ANLN: variants seen among roughly 807,000 people sequenced by gnomAD.
The protein encoded by ANLN is anillin, actin binding protein.
In ANLN, 59 loss-of-function variants were observed where a neutral mutation model predicts 135.1. The ratio of observed to expected loss-of-function variants is 0.44; its 90% confidence interval spans 0.35 to 0.54. ANLN has a LOEUF of 0.54. Among genes scored for constraint, ANLN ranks in the 20% least tolerant of loss-of-function variants. The pLI, the probability that ANLN is intolerant of heterozygous loss-of-function variation, is 0.00. For synonymous variants in ANLN, 406 were observed against 456.4 expected, an observed-to-expected ratio of 0.89 and a Z score of 1.41; for missense variants, 1,182 against 1,340.0, an observed-to-expected ratio of 0.88 and a Z score of 1.84.
chr7:36,399,033 G>A, intron 2 of ANLN, 46 bp from the exon 3 acceptor site: 5 of 1,512,502 alleles, frequency 3.3e-6, no homozygotes, highest in Non-Finnish European at 4.5e-6. Context: ...TTTTTCATGT[G>A]AGAAATTACA....
chr7:36,450,904 G>A (rs146382448), intron 23 of ANLN, among the ~76,000 whole-genome samples: 44 of 152,244 alleles, frequency 2.9e-4, no homozygotes, highest in East Asian at 2.1e-3. Flanking sequence ...TACTGGTTGC[G>A]TAAACTCTCT....
intron 1 of ANLN, among the ~76,000 whole-genome samples, chr7:36,394,520 G>T (rs1786615692): frequency 6.6e-6 from 1 of 152,130 alleles, no homozygotes; most frequent in African/African-American, 2.4e-5. Context: ...TATTTAGCGG[G>T]TGAAGGTCTT....
At chr7:36,438,261 G>A (rs1788626596) in intron 20 of ANLN, among the ~76,000 whole-genome samples, 1 of 152,066 alleles carries the variant, frequency 6.6e-6, no homozygotes, top group African/African-American at 2.4e-5. Flanking sequence ...AATGGTCTTG[G>A]CATCCTTGGC....
chr7:36,410,437 G>A, intron 5 of ANLN, 77 bp from the exon 6 acceptor site: 2 of 1,295,956 alleles, frequency 1.5e-6, no homozygotes, highest in Non-Finnish European at 2.1e-6. Flanking sequence ...CTGTAATGTA[G>A]TTTAGAACTT....
At chr7:36,447,099 C>T (rs1391433222) in intron 22 of ANLN, among the ~76,000 whole-genome samples, 1 of 152,120 alleles carries the variant, frequency 6.6e-6, no homozygotes, top group Non-Finnish European at 1.5e-5. Context: ...AAATTTAATG[C>T]CTTTTGTATT....
At chr7:36,445,161 CTTTTT>C (rs70977145) in intron 22 of ANLN, among the ~76,000 whole-genome samples, 155 of 57,816 alleles carry the variant, frequency 2.7e-3, no homozygotes, top group East Asian at 0.018. Flanking sequence ...ATTTGGGATT[CTTTTT>C]TTTTTTTTTT....
intron 23 of ANLN, 59 bp from the exon 24 acceptor site, chr7:36,452,396 TTTTTTTCCCTAGCAAGAGTACA>T: frequency 6.5e-7 from 1 of 1,543,770 alleles, no homozygotes; most frequent in South Asian, 1.2e-5. Flanking sequence ...TATTTAGTCA[TTTTTTTCCCTAGCAAGAGTACA>T]TGGGGGTATG....
Position 36,420,391 on chromosome 7 carries a change from A to G in ANLN, c.2015+77A>G, listed in dbSNP as rs116813807. The G allele has an allele frequency of 2.0e-5, 30 of 1,522,404 alleles. No individual in the cohort carries two copies. In the African/African-American group the frequency reaches 3.2e-4, roughly 16 times the overall value. 94.3% of individuals were successfully genotyped at this position (1,522,404 alleles called of 1,614,324 possible). On this transcript the variant is annotated intron_variant, in intron 11 of 23. Coordinates refer to ENST00000265748, the MANE Select transcript of ANLN (RefSeq NM_018685.5). ...GACATAAGTCGTGTTATAATTTGTA[A>G]TTATAATGTTATTAATAACTCATCT...
intron 20 of ANLN, among the ~76,000 whole-genome samples, chr7:36,436,554 T>A (rs571792876): frequency 6.6e-6 from 1 of 152,366 alleles, no homozygotes; most frequent in Admixed American, 6.5e-5. Context: ...TTTCAAAGCA[T>A]CTAGACCATT....
intron 20 of ANLN, among the ~76,000 whole-genome samples, chr7:36,435,392 G>GC (rs1788490300): frequency 6.6e-6 from 1 of 151,246 alleles, no homozygotes; most frequent in African/African-American, 2.4e-5. Flanking sequence ...TGGTGGGGGG[G>GC]GGGTCTCAGT....
chr7:36,450,805 A>C (rs528573184), intron 23 of ANLN, among the ~76,000 whole-genome samples: 1 of 152,294 alleles, frequency 6.6e-6, no homozygotes, highest in South Asian at 2.1e-4. Context: ...GAACCAACCA[A>C]AGTGCAGTAT....
At position 36,400,290 on chromosome 7, in the gene ANLN, C is replaced by T. The variant is rs141383508; in HGVS notation, c.487+897C>T. On this transcript the variant is annotated intron_variant, in intron 3 of 23. Coordinates refer to ENST00000265748, the MANE Select transcript of ANLN (RefSeq NM_018685.5). ...GTCCTTAAATATGACTTTGTGGGAGCCGATAAACCTATAAGGTTTCTTAAG... is the reference window on the plus strand; with the variant it reads ...GTCCTTAAATATGACTTTGTGGGAGTCGATAAACCTATAAGGTTTCTTAAG... 6.3e-4 allele frequency among the ~76,000 whole-genome samples: 96 copies of T among 152,238 alleles called. No homozygotes were observed. The East Asian group carries it at 8.3e-3, about 13-fold the overall frequency.
chr7:36,423,950 A>T lies in ANLN; in HGVS notation c.2603+7A>T. On this transcript the variant is annotated splice_region_variant and intron_variant, in intron 15 of 23. Coordinates refer to ENST00000265748, the MANE Select transcript of ANLN (RefSeq NM_018685.5). ...TCACTACTACATTTACTCTGTAAGT[A>T]AATCAGGCTTTTGATGATTCGAATG... 6.2e-7 allele frequency: 1 copy of T among 1,602,808 alleles called. No homozygotes were observed. Among genetic ancestry groups the T allele is most frequent in the African/African-American group, 1.3e-5 (1 of 74,582 alleles).
rs199702204 is a variant in ANLN at position 36,443,872 on chromosome 7, A to G, written c.3078+10A>G. ...TGATGAGAAACGCAAGGTAATTTATATAGTACTGTTTAGTGGTGAAAGCCC... is the reference window on the plus strand; with the variant it reads ...TGATGAGAAACGCAAGGTAATTTATGTAGTACTGTTTAGTGGTGAAAGCCC... On this transcript the variant is annotated intron_variant, in intron 22 of 23. Coordinates refer to ENST00000265748, the MANE Select transcript of ANLN (RefSeq NM_018685.5). 1.3e-6 allele frequency: 2 copies of G among 1,572,504 alleles called. No individual in the cohort carries two copies. Among genetic ancestry groups the G allele is most frequent in the Admixed American group, 1.7e-5 (1 of 57,280 alleles).
chr7:36,391,256 C>T (rs1453311120), intron 1 of ANLN, among the ~76,000 whole-genome samples: 1 of 152,182 alleles, frequency 6.6e-6, no homozygotes, highest in Admixed American at 6.5e-5. Flanking sequence ...GTATCTTTCA[C>T]TTACACTGAG....
At chr7:36,425,187 A>G (rs564463552) in intron 17 of ANLN, among the ~76,000 whole-genome samples, 250 of 152,188 alleles carry the variant, frequency 1.6e-3, no homozygotes, top group Admixed American at 4.1e-3. Context: ...AAAAGGACTA[A>G]CAGTATAAGA....
intron 21 of ANLN, among the ~76,000 whole-genome samples, chr7:36,441,610 A>G (rs561461532): frequency 1.3e-5 from 2 of 152,334 alleles, no homozygotes; most frequent in Non-Finnish European, 2.9e-5. Flanking sequence ...CTGGATTGGC[A>G]GCCAGAAGGT....
intron 22 of ANLN, among the ~76,000 whole-genome samples, chr7:36,444,676 TA>T (rs1562823028): frequency 6.6e-6 from 1 of 152,086 alleles, no homozygotes; most frequent in Non-Finnish European, 1.5e-5. Context: ...TAAGCAGAAT[TA>T]AAAAGGAAAA....
At chr7:36,450,701 AT>A (rs1789208113) in intron 23 of ANLN, among the ~76,000 whole-genome samples, 2 of 152,136 alleles carry the variant, frequency 1.3e-5, no homozygotes, top group Admixed American at 1.3e-4. Flanking sequence ...GGGGCCTTCT[AT>A]GCAGTGGTGG....
Sources: allele counts gnomAD v4.1 joint callset (sites outside exome capture counted in the v4.1 genomes callset), GRCh38; gene constraint gnomAD v4.1.1; transcripts MANE v1.5; gene names NCBI Gene and HGNC (gene_info 2026-07-23, HGNC 2026-07-21).